NF1: variants seen among roughly 807,000 people sequenced by gnomAD.
NF1 encodes neurofibromin 1, also known as neurofibromin.
A neutral mutation model predicts 325.7 loss-of-function variants in NF1; 122 were observed. That is an observed-to-expected ratio of 0.37 (90% CI 0.32 to 0.44). The LOEUF (loss-of-function observed/expected upper bound fraction) is 0.44, where lower values mean the gene tolerates loss of function less well. Ranked by LOEUF, NF1 falls within the 20% of genes least tolerant of loss-of-function variation. NF1 has a pLI of 1.00. For missense variants in NF1, 2,140 were observed against 3,415.4 expected, an observed-to-expected ratio of 0.63 and a Z score of 9.31; for synonymous variants, 1,091 against 1,186.0, an observed-to-expected ratio of 0.92 and a Z score of 1.65.
intron 13 of NF1, 125 bp downstream of exon 13, chr17:31,214,710 C>G: frequency 2.5e-6 from 2 of 810,918 alleles, no homozygotes; most frequent in Non-Finnish European, 3.9e-6. Context: ...CTGATCATAC[C>G]TGAAAACTAA....
chr17:31,286,180 C>T (rs2068223478), intron 36 of NF1, among the ~76,000 whole-genome samples: 1 of 152,056 alleles, frequency 6.6e-6, no homozygotes, highest in South Asian at 2.1e-4. Flanking sequence ...CTGCAACCTC[C>T]ACCTACTGGG....
chr17:31,097,327 G>A (rs1329330233), intron 1 of NF1, among the ~76,000 whole-genome samples: 2 of 151,792 alleles, frequency 1.3e-5, no homozygotes, highest in Non-Finnish European at 2.9e-5. Context: ...GCATGGTGGC[G>A]GGCGCCTGTA....
intron 1 of NF1, among the ~76,000 whole-genome samples, chr17:31,134,356 T>A (rs1915606399): frequency 6.6e-6 from 1 of 152,256 alleles, no homozygotes; most frequent in South Asian, 2.1e-4. Flanking sequence ...CAATTATGAT[T>A]TCTCCTTTCA....
At chr17:31,160,024 A>G (rs1360391327) in intron 3 of NF1, among the ~76,000 whole-genome samples, 1 of 152,260 alleles carries the variant, frequency 6.6e-6, no homozygotes, top group Non-Finnish European at 1.5e-5. Flanking sequence ...AAAAAAAATT[A>G]TATTGACACA....
At chr17:31,310,637 CT>C (rs201038932) in intron 36 of NF1, among the ~76,000 whole-genome samples, 2 of 151,146 alleles carry the variant, frequency 1.3e-5, no homozygotes, top group African/African-American at 2.4e-5. Flanking sequence ...CATCCTCTCC[CT>C]TTTTTTTTCC....
chr17:31,244,099 T>C (rs951762118), intron 29 of NF1, among the ~76,000 whole-genome samples: 49 of 152,258 alleles, frequency 3.2e-4, no homozygotes, highest in Non-Finnish European at 5.9e-5. Flanking sequence ...AGGGTTTGTT[T>C]AGGAGTGTTG....
Position 31,169,988 on chromosome 17 carries a change from C to G in NF1, c.577C>G (p.Leu193Val), listed in dbSNP as rs2143708163. Residue 193 changes from leucine (L) to valine (V), a missense_variant, in exon 5 of 58, where the codon CTC (leucine) becomes GTC (valine). By Grantham distance (32) the Leu-to-Val change is conservative. Around this residue, in one of 10 missense-constraint regions of NF1, gnomAD observed 246 missense variants for 347.8 expected, o/e 0.71. Coordinates refer to ENST00000358273, the MANE Select transcript of NF1 (RefSeq NM_001042492.3). ...TGTGGATTGTGCAAAATTAAAACGA[C>G]TCCTGAAGGGTAAGTTTAAATGTAT... ...INVDCAKLKR[L>V]LKETAFKFKA... 6.2e-7 allele frequency: 1 copy of G among 1,600,100 alleles called. No homozygotes were observed. The highest frequency in any genetic ancestry group is 8.6e-7 in the Non-Finnish European group (1 of 1,168,048).
At chr17:31,365,278 C>CAAAAAAAAAAAAAAAAA (rs67659795) in intron 57 of NF1, among the ~76,000 whole-genome samples, 6 of 101,068 alleles carry the variant, frequency 5.9e-5, no homozygotes, top group African/African-American at 2.8e-4. Flanking sequence ...GAACCTATCT[C>CAAAAAAAAAAAAAAAAA]AAAAAAAAAA....
intron 36 of NF1, chr17:31,305,445 AGG>A: frequency 6.2e-7 from 1 of 1,614,234 alleles, no homozygotes; most frequent in Non-Finnish European, 8.5e-7. Context: ...GTTGACCCAA[AGG>A]ATTCCCTGTT....
intron 1 of NF1, among the ~76,000 whole-genome samples, chr17:31,124,414 A>G (rs937433992): frequency 1.3e-5 from 2 of 151,234 alleles, no homozygotes; most frequent in African/African-American, 4.9e-5. Context: ...CTATTTATAC[A>G]TGAGTATTAA....
chr17:31,232,967 A>G (rs761407873), intron 26 of NF1, 35 bp from the exon 27 acceptor site: 4 of 1,613,524 alleles, frequency 2.5e-6, no homozygotes, highest in African/African-American at 1.3e-5. Context: ...CAGCAAGGCC[A>G]TGTTAGTAAA....
chr17:31,116,906 T>C (rs538434933), intron 1 of NF1, among the ~76,000 whole-genome samples: 111 of 152,032 alleles, frequency 7.3e-4, no homozygotes, highest in African/African-American at 2.4e-3. Context: ...CTCGATCTCC[T>C]GACCTCGTGA....
chr17:31,138,827 C>A (rs1029702852), intron 1 of NF1, among the ~76,000 whole-genome samples: 2 of 151,634 alleles, frequency 1.3e-5, no homozygotes, highest in African/African-American at 4.8e-5. Context: ...CGTGATATGC[C>A]CACCTTGGCC....
chr17:31,118,816 T>C (rs1914178943), intron 1 of NF1, among the ~76,000 whole-genome samples: 1 of 152,214 alleles, frequency 6.6e-6, no homozygotes, highest in Non-Finnish European at 1.5e-5. Context: ...AGTAATTGGA[T>C]GGCTGAGTCA....
chr17:31,178,784 G>A (rs546126101), intron 5 of NF1, among the ~76,000 whole-genome samples: 50 of 152,142 alleles, frequency 3.3e-4, no homozygotes, highest in Non-Finnish European at 5.7e-4. Context: ...TTACATAATG[G>A]TAAAGAGATC....
intron 48 of NF1, among the ~76,000 whole-genome samples, chr17:31,344,564 C>T (rs1597852904): frequency 6.6e-6 from 1 of 152,282 alleles, no homozygotes; most frequent in East Asian, 1.9e-4. Context: ...TGGAGATTCT[C>T]CCAGTTTTTA....
rs1296454388 is a variant in NF1, at chr17:31,358,807, G to A, written c.8114-162G>A. 4 of 1,047,180 alleles carry A rather than the reference G, an allele frequency of 3.8e-6. No homozygotes were observed. The African/African-American group carries it at 6.4e-5, about 17-fold the overall frequency. 64.9% of individuals were successfully genotyped at this position (1,047,180 alleles called of 1,614,324 possible). ...ACTGGTTGACAACTTTTTATGCTGA[G>A]TATATTTTAAGTAGGTTTTAGTTGC... is the stretch of plus-strand genomic sequence containing the variant. On this transcript the variant is annotated intron_variant, in intron 55 of 57. Coordinates refer to ENST00000358273, the MANE Select transcript of NF1 (RefSeq NM_001042492.3).
At chr17:31,341,592 A>AT (rs1318060975) in intron 47 of NF1, among the ~76,000 whole-genome samples, 5 of 46,236 alleles carry the variant, frequency 1.1e-4, no homozygotes, top group African/African-American at 3.8e-4. Context: ...ATATATATAT[A>AT]AAGTGTGTGT....
intron 36 of NF1, chr17:31,304,430 A>G: frequency 6.2e-7 from 1 of 1,614,120 alleles, no homozygotes; most frequent in Non-Finnish European, 8.5e-7. Context: ...GGTGGAAATG[A>G]TTGTATTATC....
Sources: gnomAD v4.1 joint callset for allele counts (sites outside exome capture counted in the v4.1 genomes callset) on GRCh38, gnomAD v4.1.1 for gene constraint, gnomAD v4.1.1 regional missense constraint, MANE v1.5 for transcripts, NCBI Gene and HGNC (gene_info 2026-07-23, HGNC 2026-07-21) for gene names.